Variants in TRIP4 observed in about 807,000 individuals in gnomAD.
TRIP4 encodes activating signal cointegrator 1.
Under a neutral mutation model 81.8 loss-of-function variants are expected in TRIP4, and 54 were observed. The ratio of observed to expected loss-of-function variants is 0.66; its 90% CI spans 0.53 to 0.83. TRIP4 has a LOEUF of 0.83. Among genes scored for constraint, TRIP4 ranks in the 40% least tolerant of loss-of-function variants. The pLI, the probability that TRIP4 is intolerant of heterozygous loss-of-function variation, is 0.00. For missense variants in TRIP4, 662 were observed against 683.6 expected, an observed-to-expected ratio of 0.97 and a Z score of 0.35; for synonymous variants, 270 against 242.8, an observed-to-expected ratio of 1.11 and a Z score of -1.04.
At chr15:64,397,564 T>G in intron 3 of TRIP4, 42 bp from the exon 4 acceptor site, 1 of 1,589,820 alleles carries the variant, frequency 6.3e-7, no homozygotes, top group Non-Finnish European at 8.6e-7. Context: ...TTTTACATTG[T>G]CATTAATTAT....
chr15:64,407,674 A>AT (rs1020542858), intron 6 of TRIP4, among the ~76,000 whole-genome samples: 7 of 152,008 alleles, frequency 4.6e-5, no homozygotes, highest in African/African-American at 1.7e-4. Flanking sequence ...CTCAAAAAAA[A>AT]AATAATAATA....
chr15:64,441,425 G>A (rs992043276), intron 11 of TRIP4, among the ~76,000 whole-genome samples: 2 of 152,114 alleles, frequency 1.3e-5, no homozygotes. Flanking sequence ...AGTGAGTCGA[G>A]ACCAAGTAAA....
chr15:64,444,407 A>T (rs889586491), intron 11 of TRIP4, among the ~76,000 whole-genome samples: 2 of 152,230 alleles, frequency 1.3e-5, no homozygotes, highest in Non-Finnish European at 2.9e-5. Flanking sequence ...ATGATAAGAG[A>T]TCCAAAGGAG....
chr15:64,427,956 CT>C lies in TRIP4; in HGVS notation c.1575+2334del, dbSNP rs1021748436. Among the ~76,000 whole-genome samples, 253 of 151,062 alleles carry C rather than the reference CT, an allele frequency of 1.7e-3. 1 individual carries two copies. The highest frequency in any genetic ancestry group is 2.3e-3 in the Non-Finnish European group (153 of 67,740). ...AATGTCTACTTTCTTCCTCCCCCCT[CT>C]TTTTTTTTCCCCCAGTCTAGAAGTA... On this transcript the variant is annotated intron_variant, in intron 11 of 12. Coordinates refer to ENST00000261884, the MANE Select transcript of TRIP4 (RefSeq NM_016213.5).
At chr15:64,406,256 T>C in intron 5 of TRIP4, 74 bp from the exon 6 acceptor site, 2 of 1,563,446 alleles carry the variant, frequency 1.3e-6, no homozygotes, top group South Asian at 2.4e-5. Flanking sequence ...TGATGTTTTG[T>C]TCTTTGTTGC....
intron 5 of TRIP4, among the ~76,000 whole-genome samples, chr15:64,402,806 G>A (rs185847813): frequency 1.2e-4 from 18 of 152,134 alleles, no homozygotes; most frequent in South Asian, 2.1e-4. Flanking sequence ...GATTACAGGC[G>A]TGAGCCACCG....
chr15:64,435,070 G>C (rs560163675), intron 11 of TRIP4, among the ~76,000 whole-genome samples: 1 of 151,674 alleles, frequency 6.6e-6, no homozygotes, highest in South Asian at 2.1e-4. Flanking sequence ...ACAAAAATTA[G>C]CTGGGCATGG....
chr15:64,405,999 C>T (rs971002460), intron 5 of TRIP4, among the ~76,000 whole-genome samples: 4 of 152,180 alleles, frequency 2.6e-5, no homozygotes, highest in South Asian at 2.1e-4. Flanking sequence ...CTTGAAAAAA[C>T]GTATATTTAA....
rs901680663 is a variant in TRIP4, at chr15:64,418,575, A to C, written c.1205A>C (p.Lys402Thr). The change falls in exon 9 of 13, where the codon AAG becomes ACG. Residue 402 changes from lysine (K) to threonine (T), a missense_variant. By Grantham distance (78) the Lys-to-Thr change is moderately conservative. Transcript: ENST00000261884. ...CACACAGGTGCAGCCTCACAGAAGA[A>C]GGCTTTCCGTTCTTCAGGATTTGGA... ...VDHTGAASQK[K>T]AFRSSGFGLE... 9 of 1,613,096 alleles carry C rather than the reference A, an allele frequency of 5.6e-6. No individual in the cohort carries two copies. The highest frequency in any genetic ancestry group is 2.7e-5 in the African/African-American group (2 of 74,908).
At chr15:64,434,281 C>A (rs1164570454) in intron 11 of TRIP4, among the ~76,000 whole-genome samples, 3 of 151,994 alleles carry the variant, frequency 2.0e-5, no homozygotes, top group Non-Finnish European at 2.9e-5. Flanking sequence ...TGCCTGTAAT[C>A]CCAGCTACTC....
At chr15:64,393,112 A>G (rs1566971021) in intron 1 of TRIP4, among the ~76,000 whole-genome samples, 1 of 151,378 alleles carries the variant, frequency 6.6e-6, no homozygotes, top group Admixed American at 6.6e-5. Context: ...TTGTGTCTGA[A>G]TTACAGTTTC....
At chr15:64,433,545 A>C (rs920988424) in intron 11 of TRIP4, among the ~76,000 whole-genome samples, 3 of 152,202 alleles carry the variant, frequency 2.0e-5, no homozygotes, top group Admixed American at 2.0e-4. Context: ...CAGAGGCTGC[A>C]GTCAGCTGAG....
intron 11 of TRIP4, among the ~76,000 whole-genome samples, chr15:64,444,006 A>G (rs998134425): frequency 1.7e-5 from 1 of 59,598 alleles, no homozygotes; most frequent in Admixed American, 2.6e-4. Flanking sequence ...TCAATAAAGA[A>G]GTTTAACTAT....
intron 12 of TRIP4, among the ~76,000 whole-genome samples, chr15:64,445,584 G>C (rs1892613957): frequency 6.9e-6 from 1 of 144,822 alleles, no homozygotes; most frequent in East Asian, 2.0e-4. Context: ...CAGGAGAATC[G>C]CTTGAACCTG....
At chr15:64,408,923 G>A (rs938302000) in intron 6 of TRIP4, among the ~76,000 whole-genome samples, 2 of 152,026 alleles carry the variant, frequency 1.3e-5, no homozygotes, top group African/African-American at 4.8e-5. Context: ...TGTCTTAAGA[G>A]TAAATAGTTG....
chr15:64,424,656 A>G (rs1182130059), intron 10 of TRIP4, among the ~76,000 whole-genome samples: 2 of 152,232 alleles, frequency 1.3e-5, no homozygotes, highest in African/African-American at 4.8e-5. Flanking sequence ...TATCCAGCTC[A>G]TACAGTTGTT....
At chr15:64,398,984 CTG>C (rs2140284563) in intron 4 of TRIP4, among the ~76,000 whole-genome samples, 1 of 131,416 alleles carries the variant, frequency 7.6e-6, no homozygotes, top group Non-Finnish European at 1.5e-5. Context: ...GAGTCTCACT[CTG>C]TCGCCCAGGC....
At chr15:64,432,946 T>TAAATAAATAAAC (rs1299725961) in intron 11 of TRIP4, among the ~76,000 whole-genome samples, 58 of 150,408 alleles carry the variant, frequency 3.9e-4, no homozygotes, top group African/African-American at 1.4e-3. Flanking sequence ...AATAAATAAA[T>TAAATAAATAAAC]AAACACTTGA....
intron 9 of TRIP4, among the ~76,000 whole-genome samples, chr15:64,421,111 G>C (rs953896170): frequency 1.6e-4 from 24 of 150,020 alleles, no homozygotes; most frequent in African/African-American, 5.1e-4. Flanking sequence ...GTGAAACCCT[G>C]TTTCTACTAA....
Sources: allele counts gnomAD v4.1 joint callset (sites outside exome capture counted in the v4.1 genomes callset), GRCh38; gene constraint gnomAD v4.1.1; transcripts MANE v1.5; gene names NCBI Gene and HGNC (gene_info 2026-07-23, HGNC 2026-07-21).